Variants in RCE1 observed in about 807,000 individuals in gnomAD.
RCE1 encodes the protein Ras converting CAAX endopeptidase 1, also known as CAAX prenyl protease 2.
A neutral mutation model predicts 35.0 loss-of-function variants in RCE1; 15 were observed. That is an observed-to-expected ratio of 0.43 (90% CI 0.29 to 0.66). RCE1 has a LOEUF of 0.66. Among genes scored for constraint, RCE1 ranks in the 30% least tolerant of loss-of-function variants. The pLI is 0.17. For missense variants in RCE1, 434 were observed against 433.0 expected, an observed-to-expected ratio of 1.00 and a Z score of -0.02; for synonymous variants, 261 against 192.7, an observed-to-expected ratio of 1.35 and a Z score of -2.94.
Position 66,845,961 on chromosome 11 carries a change from G to T in RCE1, c.856G>T (p.Ala286Ser). ...GCACCCACAGAGGCGGCCCCTGCTG[G>T]CAGGCTATGCCCTGGGTGTGGGACT... is the stretch of plus-strand genomic sequence containing the variant. Reference protein sequence around the residue: ...LEHPQRRPLLAGYALGVGLFL... With the variant: ...LEHPQRRPLLSGYALGVGLFL... Residue 286 changes from alanine to serine, a missense_variant, in exon 8 of 8, where the codon GCA becomes TCA. By Grantham distance (99) the Ala-to-Ser change is moderately conservative. Coordinates refer to ENST00000309657, the MANE Select transcript of RCE1 (RefSeq NM_005133.3). 1 of 1,613,754 alleles carries T rather than the reference G, an allele frequency of 6.2e-7. No homozygotes were observed. Among genetic ancestry groups the T allele is most frequent in the Non-Finnish European group, 8.5e-7 (1 of 1,180,036 alleles).
chr11:66,843,487 T>C lies in RCE1; in HGVS notation c.32T>C (p.Leu11Pro). The C allele has an allele frequency of 1.4e-6, 2 of 1,475,078 alleles. No homozygotes were observed. Among genetic ancestry groups the C allele is most frequent in the Non-Finnish European group, 8.9e-7 (1 of 1,124,390 alleles). 91.4% of individuals were successfully genotyped at this position (1,475,078 alleles called of 1,614,324 possible). A position where few individuals can be genotyped will look rare whatever the true frequency, so the allele number is the denominator to read the frequency against. Residue 11 changes from leucine (L) to proline (P), a missense_variant, in exon 1 of 8, where the codon CTG (leucine) becomes CCG (proline). Transcript: ENST00000309657. The part of the protein sequence containing the change: MAALGGDGLR[L>P]LSVSRPERPP... ...GCGCTGGGCGGGGATGGGCTGCGAC[T>C]GCTGTCGGTGTCGCGGCCGGAGCGG...
chr11:66,844,815 G>T, intron 4 of RCE1, 54 bp from the exon 5 acceptor site: 2 of 1,494,034 alleles, frequency 1.3e-6, no homozygotes, highest in East Asian at 2.3e-5. Context: ...AGCCTCTGGG[G>T]TCTCACTGTC....
intron 4 of RCE1, 83 bp from the exon 5 acceptor site, chr11:66,844,786 G>A: frequency 6.9e-7 from 1 of 1,459,082 alleles, no homozygotes; most frequent in Non-Finnish European, 9.0e-7. Flanking sequence ...GGGTAAAGTT[G>A]TGGGAGAGGA....
At chr11:66,845,278 A>T in intron 6 of RCE1, 41 bp downstream of exon 6, 1 of 1,613,488 alleles carries the variant, frequency 6.2e-7, no homozygotes, top group Non-Finnish European at 8.5e-7. Context: ...GTGTATGATG[A>T]TGTCGCTAAT....
intron 3 of RCE1, 105 bp downstream of exon 3, chr11:66,844,144 T>G: frequency 6.3e-7 from 1 of 1,592,410 alleles, no homozygotes; most frequent in Admixed American, 1.7e-5. Context: ...GACAGGACTT[T>G]TGAGATGGCC....
Position 66,844,049 on chromosome 11 carries a change from CCTG to C in RCE1, c.372+14_372+16del, listed in dbSNP as rs758920036. 2 of 1,614,032 alleles carry C rather than the reference CCTG, an allele frequency of 1.2e-6. No homozygotes were observed. The highest frequency in any genetic ancestry group is 1.7e-6 in the Non-Finnish European group (2 of 1,180,026). On this transcript the variant is annotated intron_variant, in intron 3 of 7. Transcript: ENST00000309657. Reference sequence around the variant, plus strand: ...CCTGTTGCTGACCATGGTGAGTGCTCCTGCTGTATTTTTTCTTCTGGTCTTTGT... The same window carrying C: ...CCTGTTGCTGACCATGGTGAGTGCTCCTGTATTTTTTCTTCTGGTCTTTGT...
Position 66,846,251 on chromosome 11 carries a change from A to T in RCE1, c.*156A>T, listed in dbSNP as rs764950656. 9.3e-5 allele frequency: 89 copies of T among 957,108 alleles called. No homozygotes were observed. The highest frequency in any genetic ancestry group is 1.1e-4 in the Non-Finnish European group (74 of 665,750). The allele number at this position is 957,108 out of a possible 1,614,324, so 59.3% of individuals were successfully genotyped here. A position where few individuals can be genotyped will look rare whatever the true frequency, so the allele number is the denominator to read the frequency against. ...TAGTTGCGTCCCAGGGACCAAGAGA[A>T]AGAAGCAGATATCCAAAGGGTGCAG... On this transcript the variant is annotated 3_prime_UTR_variant, in exon 8 of 8. Coordinates refer to ENST00000309657, the MANE Select transcript of RCE1 (RefSeq NM_005133.3).
chr11:66,843,644 C>T lies in RCE1; in HGVS notation c.185+4C>T, dbSNP rs1565201079. 2.5e-6 allele frequency: 4 copies of T among 1,602,564 alleles called. No homozygotes were observed. The highest frequency in any genetic ancestry group is 2.7e-5 in the African/African-American group (2 of 74,704). ...TCTGGAAGAGCGAACTGCCCAGGTG[C>T]GGGGGCTGCGCGCGACCGGAATCCG... On this transcript the variant is annotated splice_donor_region_variant and intron_variant, in intron 1 of 7. Coordinates refer to ENST00000309657, the MANE Select transcript of RCE1 (RefSeq NM_005133.3).
Position 66,845,987 on chromosome 11 carries a change from C to T in RCE1, c.882C>T (p.Leu294=). ...CAGGCTATGCCCTGGGTGTGGGACTCTTCCTGCTTCTGCTCCAGCCCCTCA... is the reference window on the plus strand; with the variant it reads ...CAGGCTATGCCCTGGGTGTGGGACTTTTCCTGCTTCTGCTCCAGCCCCTCA... ...LLAGYALGVG[L]FLLLLQPLTD... is the part of the protein sequence containing the mutation. The change falls in exon 8 of 8, where the codon CTC becomes CTT. Residue 294 remains leucine (L), a synonymous_variant. Coordinates refer to ENST00000309657, the MANE Select transcript of RCE1 (RefSeq NM_005133.3). The T allele has an allele frequency of 6.2e-7, 1 of 1,613,916 alleles. No individual in the cohort carries two copies. The highest frequency in any genetic ancestry group is 8.5e-7 in the Non-Finnish European group (1 of 1,180,022).
At chr11:66,844,504 C>A in intron 4 of RCE1, 140 bp downstream of exon 4, 1 of 1,218,512 alleles carries the variant, frequency 8.2e-7, no homozygotes, top group Non-Finnish European at 1.2e-6. Flanking sequence ...AAAATGGAAA[C>A]ATAGAGCTAG....
chr11:66,845,259 T>G, intron 6 of RCE1, 22 bp downstream of exon 6: 1 of 1,614,094 alleles, frequency 6.2e-7, no homozygotes, highest in Non-Finnish European at 8.5e-7. Context: ...CTAGCTGGCC[T>G]GGGTTAGGGT....
Position 66,843,618 on chromosome 11 carries a change from G to C in RCE1, c.163G>C (p.Val55Leu), listed in dbSNP as rs779867788. The change falls in exon 1 of 8, where the codon GTC becomes CTC. Residue 55 changes from valine (V) to leucine (L), a missense_variant. Val to Leu is a conservative substitution (Grantham distance 32). Coordinates refer to ENST00000309657, the MANE Select transcript of RCE1 (RefSeq NM_005133.3). ...LACSYVGSLY[V>L]WKSELPRDHP... ...CTGCTCCTACGTGGGCAGCCTCTAC[G>C]TCTGGAAGAGCGAACTGCCCAGGTG... 6.2e-6 allele frequency: 10 copies of C among 1,600,112 alleles called. No homozygotes were observed. The South Asian group carries it at 1.1e-4, about 18-fold the overall frequency.
chr11:66,843,510 C>A lies in RCE1; in HGVS notation c.55C>A (p.Arg19=). The A allele has an allele frequency of 6.7e-7, 1 of 1,493,316 alleles. No homozygotes were observed. The highest frequency in any genetic ancestry group is 1.3e-5 in the South Asian group (1 of 79,968). The allele number at this position is 1,493,316 out of a possible 1,614,324, so 92.5% of individuals were successfully genotyped here. The change falls in exon 1 of 8, where the codon CGG becomes AGG. Residue 19 remains arginine, a synonymous_variant. Coordinates refer to ENST00000309657, the MANE Select transcript of RCE1 (RefSeq NM_005133.3). ...ACTGCTGTCGGTGTCGCGGCCGGAG[C>A]GGCCGCCCGAGTCGGCGGCGCTGGG... ...LRLLSVSRPE[R]PPESAALGGL... is the part of the protein sequence containing the mutation.
rs1345304133 is a variant in RCE1, at chr11:66,845,961, G to A, written c.856G>A (p.Ala286Thr). The A allele has an allele frequency of 1.9e-6, 3 of 1,613,636 alleles. No homozygotes were observed. Among genetic ancestry groups the A allele is most frequent in the African/African-American group, 1.3e-5 (1 of 74,942 alleles). ...LEHPQRRPLLAGYALGVGLFL... is the reference protein window; with the variant it reads ...LEHPQRRPLLTGYALGVGLFL... The stretch of plus-strand genomic sequence containing the variant: ...GCACCCACAGAGGCGGCCCCTGCTG[G>A]CAGGCTATGCCCTGGGTGTGGGACT... Residue 286 changes from alanine to threonine, a missense_variant, in exon 8 of 8, where the codon GCA becomes ACA. Ala to Thr is a moderately conservative substitution (Grantham distance 58, BLOSUM62 0). Transcript: ENST00000309657.
At chr11:66,843,725 C>A in intron 1 of RCE1, 34 bp from the exon 2 acceptor site, 1 of 1,609,092 alleles carries the variant, frequency 6.2e-7, no homozygotes, top group Non-Finnish European at 8.5e-7. Flanking sequence ...CATGGGCAGC[C>A]GCGGGCCCCC....
chr11:66,846,297 T>TACGAGCAGCTGTGAGTGAGGGGAC lies in RCE1; in HGVS notation c.*204_*227dup. ...TGCAGCCCCTTTTGAAAGGGGTGTT[T>TACGAGCAGCTGTGAGTGAGGGGAC]ACGAGCAGCTGTGAGTGAGGGGACA... On this transcript the variant is annotated 3_prime_UTR_variant, in exon 8 of 8. Transcript: ENST00000309657. 1.6e-6 allele frequency: 1 copy of TACGAGCAGCTGTGAGTGAGGGGAC among 632,726 alleles called. No individual in the cohort carries two copies. The highest frequency in any genetic ancestry group is 2.4e-5 in the South Asian group (1 of 41,522). 39.2% of individuals were successfully genotyped at this position (632,726 alleles called of 1,614,324 possible).
intron 7 of RCE1, 131 bp from the exon 8 acceptor site, chr11:66,845,729 C>T (rs563614200): frequency 4.2e-5 from 61 of 1,455,394 alleles, no homozygotes; most frequent in Non-Finnish European, 5.1e-5. Flanking sequence ...GAGCAGAGGC[C>T]GTGGTGTGTG....
chr11:66,844,533 T>C (rs891432265), intron 4 of RCE1, among the ~76,000 whole-genome samples, 169 bp downstream of exon 4: 2 of 152,146 alleles, frequency 1.3e-5, no homozygotes, highest in African/African-American at 2.4e-5. Context: ...TAAGGGTTGA[T>C]TGCCAACGTC....
At position 66,846,022 on chromosome 11, in the gene RCE1, A is replaced by G. The variant is rs147783003; in HGVS notation, c.917A>G (p.Lys306Arg). 4.3e-5 allele frequency: 70 copies of G among 1,613,724 alleles called. No individual in the cohort carries two copies. The highest frequency in any genetic ancestry group is 5.4e-5 in the Non-Finnish European group (64 of 1,180,032). The change falls in exon 8 of 8, where the codon AAG becomes AGG. Residue 306 changes from lysine to arginine, a missense_variant. Coordinates refer to ENST00000309657, the MANE Select transcript of RCE1 (RefSeq NM_005133.3). ...CTGCTCCAGCCCCTCACGGACCCCAAGCTCTACGGCAGCCTTCCCCTTTGT... is the reference window on the plus strand; with the variant it reads ...CTGCTCCAGCCCCTCACGGACCCCAGGCTCTACGGCAGCCTTCCCCTTTGT... The part of the protein sequence containing the change: ...LLLLQPLTDP[K>R]LYGSLPLCVL...
Sources: allele counts gnomAD v4.1 joint callset (sites outside exome capture counted in the v4.1 genomes callset), GRCh38; gene constraint gnomAD v4.1.1; transcripts MANE v1.5; gene names NCBI Gene and HGNC (gene_info 2026-07-23, HGNC 2026-07-21).